The following RXRA variants were observed in gnomAD, a reference collection of about 807,000 sequenced individuals.
RXRA encodes retinoic acid receptor RXR-alpha.
RXRA carries 5 observed loss-of-function variants against 44.5 expected under a neutral mutation model. The ratio of observed to expected loss-of-function variants is 0.11; its 90% CI spans 0.06 to 0.24. The LOEUF (loss-of-function observed/expected upper bound fraction) is 0.24, where lower values mean the gene tolerates loss of function less well. RXRA is among the 10% of genes least tolerant of loss of function. The pLI is 1.00. For synonymous variants in RXRA, 291 were observed against 271.4 expected (o/e 1.07, Z -0.71); for missense variants, 412 against 646.5 (o/e 0.64, Z 3.93).
At chr9:134,403,314 G>C (rs1039962678) in intron 2 of RXRA, 1 of 152,270 alleles carries the variant, frequency 6.6e-6, no homozygotes, top group Non-Finnish European at 1.5e-5. Context: ...CCTCTGCTCC[G>C]TGTCCCCCTC....
chr9:134,395,289 G>A (rs899621662), intron 1 of RXRA, among the ~76,000 whole-genome samples: 3 of 152,244 alleles, frequency 2.0e-5, no homozygotes, highest in Admixed American at 6.5e-5. Context: ...TGGCCTCACC[G>A]TGGCTTCCTG....
At chr9:134,422,080 C>T (rs1272691064) in intron 6 of RXRA, 4 of 1,377,200 alleles carry the variant, frequency 2.9e-6, no homozygotes, top group African/African-American at 1.5e-5. Flanking sequence ...GCTCCCCTCT[C>T]CCAGGACACT....
At chr9:134,370,229 C>T (rs1242984681) in intron 1 of RXRA, among the ~76,000 whole-genome samples, 2 of 152,152 alleles carry the variant, frequency 1.3e-5, no homozygotes, top group African/African-American at 4.8e-5. Context: ...CTGCATGGGA[C>T]GTGGGGGAGC....
intron 1 of RXRA, among the ~76,000 whole-genome samples, 156 bp downstream of exon 1, chr9:134,326,815 C>G (rs1426323864): frequency 7.0e-6 from 1 of 143,820 alleles, no homozygotes; most frequent in Non-Finnish European, 1.5e-5. Context: ...GGGCGCCGGG[C>G]CCGGGGAGGG....
chr9:134,394,660 TGCCTCAGGGGCCAGAG>T (rs1830852055), intron 1 of RXRA, among the ~76,000 whole-genome samples: 1 of 152,198 alleles, frequency 6.6e-6, no homozygotes, highest in Admixed American at 6.5e-5. Context: ...GCACGCTACG[TGCCTCAGGGGCCAGAG>T]GCCTCAGGCA....
intron 6 of RXRA, chr9:134,425,228 G>A (rs1439048158): frequency 1.0e-6 from 1 of 985,278 alleles, no homozygotes; most frequent in African/African-American, 1.7e-5. Context: ...ACACGTGTCT[G>A]CTCCTGTGGG....
At chr9:134,418,041 G>A (rs1050576971) in intron 5 of RXRA, among the ~76,000 whole-genome samples, 3 of 152,130 alleles carry the variant, frequency 2.0e-5, no homozygotes, top group South Asian at 2.1e-4. Flanking sequence ...TTACTGGCTC[G>A]CTCCCTGTGG....
chr9:134,372,447 C>T (rs1270666627), intron 1 of RXRA, among the ~76,000 whole-genome samples: 2 of 152,136 alleles, frequency 1.3e-5, no homozygotes, highest in African/African-American at 4.8e-5. Flanking sequence ...AGGCCTGGCC[C>T]TGGGACTGTC....
chr9:134,351,827 G>A (rs1428641943), intron 1 of RXRA, among the ~76,000 whole-genome samples: 1 of 152,260 alleles, frequency 6.6e-6, no homozygotes, highest in East Asian at 1.9e-4. Flanking sequence ...GGTGTGCGGG[G>A]CCTCGGAGAG....
chr9:134,423,392 A>G, intron 6 of RXRA: 1 of 985,462 alleles, frequency 1.0e-6, no homozygotes, highest in Non-Finnish European at 1.2e-6. Context: ...GGGGAGCCTC[A>G]GCCCATACAA....
At position 134,417,083 on chromosome 9, in the gene RXRA, C is replaced by T; in HGVS notation, c.611-75C>T. ...TGAGTTGGCTGGGAGCTGGCACCAC[C>T]CGGCCAGGACAGCCTTCCCTGGGAG... On this transcript the variant is annotated intron_variant, in intron 4 of 9. Coordinates refer to ENST00000481739, the MANE Select transcript of RXRA (RefSeq NM_002957.6). The surrounding 1 kb of genome is among the most constrained non-coding windows in gnomAD (Gnocchi z 6.1). 1 of 1,493,336 alleles carries T rather than the reference C, an allele frequency of 6.7e-7. No homozygotes were observed. The highest frequency in any genetic ancestry group is 1.3e-5 in the South Asian group (1 of 79,120). 92.5% of individuals were successfully genotyped at this position (1,493,336 alleles called of 1,614,324 possible).
intron 1 of RXRA, among the ~76,000 whole-genome samples, chr9:134,336,601 G>T (rs557396289): frequency 1.1e-4 from 17 of 152,182 alleles, no homozygotes; most frequent in African/African-American, 4.1e-4. Flanking sequence ...TCCTCTTCCC[G>T]TGGGGCCCTC....
chr9:134,430,508 C>A (rs149143025), intron 7 of RXRA, among the ~76,000 whole-genome samples: 2 of 152,352 alleles, frequency 1.3e-5, no homozygotes, highest in East Asian at 1.9e-4. Context: ...TGGAACTTGA[C>A]CTCCATGGGA....
chr9:134,408,417 A>G (rs965303428), intron 3 of RXRA, 118 bp downstream of exon 3: 3 of 1,122,344 alleles, frequency 2.7e-6, no homozygotes, highest in Middle Eastern at 3.0e-4. Flanking sequence ...GCCAGGGTGC[A>G]GGGAGGCAGG....
At chr9:134,372,370 G>T (rs1465486923) in intron 1 of RXRA, among the ~76,000 whole-genome samples, 5 of 152,160 alleles carry the variant, frequency 3.3e-5, no homozygotes, top group African/African-American at 1.2e-4. Flanking sequence ...ACCCGTCCTG[G>T]GCCGATTATG....
intron 1 of RXRA, among the ~76,000 whole-genome samples, chr9:134,331,198 C>T (rs568817328): frequency 7.2e-5 from 11 of 152,278 alleles, no homozygotes; most frequent in African/African-American, 2.4e-4. Context: ...GCAGGTGGGG[C>T]GAGGGACCGC....
At position 134,436,726 on chromosome 9, in the gene RXRA, C is replaced by A; in HGVS notation, c.*112C>A. The A allele has an allele frequency of 8.3e-7, 1 of 1,211,342 alleles. No homozygotes were observed. Among genetic ancestry groups the A allele is most frequent in the Non-Finnish European group, 1.2e-6 (1 of 856,128 alleles). 75.0% of individuals were successfully genotyped at this position (1,211,342 alleles called of 1,614,324 possible). On this transcript the variant is annotated 3_prime_UTR_variant, in exon 10 of 10. Transcript: ENST00000481739. ...CCCTTCTCTGCCTGGCCTGTTTGGA[C>A]TTTGGGGCACAGCCTGTCACTGCTC... is the stretch of plus-strand genomic sequence containing the variant.
intron 9 of RXRA, among the ~76,000 whole-genome samples, chr9:134,434,677 G>A (rs930859825): frequency 1.4e-4 from 22 of 152,230 alleles, no homozygotes; most frequent in Admixed American, 2.6e-4. Flanking sequence ...CCCCCTGCCC[G>A]GCTGTGGGCC....
intron 1 of RXRA, among the ~76,000 whole-genome samples, chr9:134,355,903 G>T (rs1039492048): frequency 2.3e-4 from 35 of 152,160 alleles, no homozygotes; most frequent in Non-Finnish European, 3.4e-4. Context: ...AGGCTTTGAG[G>T]AGGTCAGGGT....
Sources: allele counts gnomAD v4.1 joint callset (sites outside exome capture counted in the v4.1 genomes callset), GRCh38; gene constraint gnomAD v4.1.1; non-coding constraint Gnocchi (gnomAD v3.1); transcripts MANE v1.5; gene names NCBI Gene and HGNC (gene_info 2026-07-23, HGNC 2026-07-21).